The following AMZ1 variants were observed in gnomAD, a reference collection of about 807,000 sequenced individuals.
AMZ1 encodes archaelysin family metallopeptidase 1.
A neutral mutation model predicts 29.9 loss-of-function variants in AMZ1; 39 were observed. The observed-to-expected ratio is 1.30, with a 90% CI of 1.01 to 1.70. AMZ1 has a LOEUF of 1.70. Ranked by LOEUF, AMZ1 falls within the 40% of genes most tolerant of loss-of-function variation. AMZ1 has a pLI of 0.00. For synonymous variants in AMZ1, 458 were observed against 304.0 expected, an observed-to-expected ratio of 1.51 and a Z score of -5.27; for missense variants, 1,041 against 680.6, an observed-to-expected ratio of 1.53 and a Z score of -5.89.
rs1258851910 is a variant in AMZ1, at chr7:2,718,689, GAGCTCCACTGTCCCTTCTA to G, written c.*5813_*5831del. On this transcript the variant is annotated 3_prime_UTR_variant, in exon 7 of 7. Coordinates refer to ENST00000683327, the MANE Select transcript of AMZ1 (RefSeq NM_001384743.1). The stretch of plus-strand genomic sequence containing the variant: ...TTTCTTCCAACACTTTCTCACGTAG[GAGCTCCACTGTCCCTTCTA>G]ACAGGACAGGGCTTGTGCAGCCGGG... 6.6e-6 allele frequency among the ~76,000 whole-genome samples: 1 copy of G among 152,206 alleles called. No individual in the cohort carries two copies. Among genetic ancestry groups the G allele is most frequent in the African/African-American group, 2.4e-5 (1 of 41,462 alleles).
rs1425614211 is a variant in AMZ1, at chr7:2,713,087, A to T, written c.*209A>T. 4 of 471,662 alleles carry T rather than the reference A, an allele frequency of 8.5e-6. No individual in the cohort carries two copies. Among genetic ancestry groups the T allele is most frequent in the Non-Finnish European group, 1.4e-5 (4 of 283,548 alleles). The allele number at this position is 471,662 out of a possible 1,614,324, so 29.2% of individuals were successfully genotyped here. A position where few individuals can be genotyped will look rare whatever the true frequency, so the allele number is the denominator to read the frequency against. On this transcript the variant is annotated 3_prime_UTR_variant, in exon 7 of 7. Coordinates refer to ENST00000683327, the MANE Select transcript of AMZ1 (RefSeq NM_001384743.1). Reference sequence around the variant, plus strand: ...ACTCTGCCTCTACAAAAGAAAAATTAAAAAATTAGCTGGATGAAGTGGTTC... The same window carrying T: ...ACTCTGCCTCTACAAAAGAAAAATTTAAAAATTAGCTGGATGAAGTGGTTC...
At chr7:2,699,370 G>C (rs995753998) in intron 1 of AMZ1, among the ~76,000 whole-genome samples, 3 of 152,132 alleles carry the variant, frequency 2.0e-5, no homozygotes, top group African/African-American at 7.2e-5. Flanking sequence ...CTCCCTACCT[G>C]GTCCGTCCTG....
chr7:2,722,108 C>T (rs1770633004), downstream of AMZ1, among the ~76,000 whole-genome samples: 1 of 152,136 alleles, frequency 6.6e-6, no homozygotes, highest in Non-Finnish European at 1.5e-5. Flanking sequence ...GTCCCTTCGG[C>T]AGTGTGTCCT....
At chr7:2,695,925 G>A (rs1056955753) in intron 1 of AMZ1, among the ~76,000 whole-genome samples, 18 of 150,630 alleles carry the variant, frequency 1.2e-4, no homozygotes, top group African/African-American at 3.4e-4. Flanking sequence ...CAGGAGAATC[G>A]CTTGAACCCG....
intron 2 of AMZ1, 113 bp from the exon 3 acceptor site, chr7:2,702,609 G>A (rs1788114126): frequency 1.6e-6 from 2 of 1,232,376 alleles, no homozygotes; most frequent in Admixed American, 2.9e-5. Context: ...TGTCAGGGTA[G>A]GTCCACATTG....
chr7:2,714,265 T>C lies in AMZ1; in HGVS notation c.*1387T>C, dbSNP rs1270129176. 1 of 152,272 alleles carries C rather than the reference T, an allele frequency of 6.6e-6. No homozygotes were observed. Among genetic ancestry groups the C allele is most frequent in the African/African-American group, 2.4e-5 (1 of 41,400 alleles). The allele number at this position is 152,272 out of a possible 1,614,324, so 9.4% of individuals were successfully genotyped here. A position where few individuals can be genotyped will look rare whatever the true frequency, so the allele number is the denominator to read the frequency against. ...TGTGGGTGGGTGGCTCACACGGTTA[T>C]GGAGGGCTTCTAAGAAAAACAAAAT... On this transcript the variant is annotated 3_prime_UTR_variant, in exon 7 of 7. Transcript: ENST00000683327.
At position 2,709,646 on chromosome 7, in the gene AMZ1, T is replaced by TGCCACGA; in HGVS notation, c.781_787dup (p.Leu263ProfsTer95). On this transcript the variant is annotated frameshift_variant, in exon 6 of 7. Transcript: ENST00000683327. LOFTEE classifies it high-confidence loss of function. ...TTGGTGGCCTTCCCCCCAGGTCACG[T>TGCCACGA]GCCACGAGCTCTGCCACCTTCTGGG... 6.2e-7 allele frequency: 1 copy of TGCCACGA among 1,608,514 alleles called. No homozygotes were observed. Among genetic ancestry groups the TGCCACGA allele is most frequent in the African/African-American group, 1.3e-5 (1 of 74,914 alleles).
In AMZ1 at chr7:2,713,075, A is replaced by C. The variant is rs559596029; in HGVS notation, c.*197A>C. ...CAACATGGTGAGACTCTGCCTCTAC[A>C]AAAGAAAAATTAAAAAATTAGCTGG... On this transcript the variant is annotated 3_prime_UTR_variant, in exon 7 of 7. Coordinates refer to ENST00000683327, the MANE Select transcript of AMZ1 (RefSeq NM_001384743.1). 13 of 512,198 alleles carry C rather than the reference A, an allele frequency of 2.5e-5. No homozygotes were observed. The highest frequency in any genetic ancestry group is 1.6e-4 in the African/African-American group (8 of 50,406). 31.7% of individuals were successfully genotyped at this position (512,198 alleles called of 1,614,324 possible). A position where few individuals can be genotyped will look rare whatever the true frequency, so the allele number is the denominator to read the frequency against.
chr7:2,749,632 G>A (rs1024623299), intron 4 of AMZ1, among the ~76,000 whole-genome samples: 49 of 152,048 alleles, frequency 3.2e-4, no homozygotes, highest in African/African-American at 8.7e-4. Context: ...TGCACGTTGT[G>A]CACATGTACC....
intron 3 of AMZ1, among the ~76,000 whole-genome samples, chr7:2,705,085 T>C (rs1196593720): frequency 1.3e-5 from 2 of 152,368 alleles, no homozygotes; most frequent in East Asian, 3.9e-4. Flanking sequence ...TTATTTTTGA[T>C]TGTTAGTTAC....
chr7:2,753,188 T>C (rs1432371345), intron 4 of AMZ1, among the ~76,000 whole-genome samples: 1 of 152,046 alleles, frequency 6.6e-6, no homozygotes, highest in African/African-American at 2.4e-5. Flanking sequence ...AGGGTCTTAC[T>C]GTGTTGCCCA....
chr7:2,706,665 CGTCTCTTCTAAGACTCCA>C (rs1562369390), intron 3 of AMZ1, among the ~76,000 whole-genome samples: 1 of 152,236 alleles, frequency 6.6e-6, no homozygotes, highest in Non-Finnish European at 1.5e-5. Context: ...TGTGCCTCTG[CGTCTCTTCTAAGACTCCA>C]GTCACTGGGT....
At chr7:2,693,136 T>C (rs1301291983) in intron 1 of AMZ1, among the ~76,000 whole-genome samples, 5 of 152,230 alleles carry the variant, frequency 3.3e-5, no homozygotes, top group South Asian at 2.1e-4. Flanking sequence ...GTTTTTGCTG[T>C]TGTTGCCCAG....
intron 4 of AMZ1, among the ~76,000 whole-genome samples, chr7:2,726,704 C>T (rs1789632222): frequency 6.6e-6 from 1 of 152,248 alleles, no homozygotes; most frequent in Non-Finnish European, 1.5e-5. Context: ...ATCCCCACTC[C>T]TCTTTCCAGA....
At position 2,709,673 on chromosome 7, in the gene AMZ1, C is replaced by G. The variant is rs1444857691; in HGVS notation, c.805C>G (p.Leu269Val). 1 of 1,610,622 alleles carries G rather than the reference C, an allele frequency of 6.2e-7. No homozygotes were observed. Among genetic ancestry groups the G allele is most frequent in the East Asian group, 2.2e-5 (1 of 44,876 alleles). ...TCHELCHLLG[L>V]GNCRWLRCLM... is the part of the protein sequence containing the mutation. ...CCACGAGCTCTGCCACCTTCTGGGC[C>G]TGGGGAACTGCCGCTGGCTCCGCTG... The change falls in exon 6 of 7, where the codon CTG becomes GTG. Residue 269 changes from leucine to valine, a missense_variant. Coordinates refer to ENST00000683327, the MANE Select transcript of AMZ1 (RefSeq NM_001384743.1).
chr7:2,709,783 T>A lies in AMZ1; in HGVS notation c.915T>A (p.His305Gln). ...CCATCTGCCTGAGGAAGCTGCAGCATGTCCTGGGTTTCAGGCTCATCGAGA... is the reference window on the plus strand; with the variant it reads ...CCATCTGCCTGAGGAAGCTGCAGCAAGTCCTGGGTTTCAGGCTCATCGAGA... Reference protein sequence around the residue: ...LCPICLRKLQHVLGFRLIERY... With the variant: ...LCPICLRKLQQVLGFRLIERY... Residue 305 changes from histidine (H) to glutamine (Q), a missense_variant, in exon 6 of 7, where the codon CAT becomes CAA. Coordinates refer to ENST00000683327, the MANE Select transcript of AMZ1 (RefSeq NM_001384743.1). The A allele has an allele frequency of 6.2e-7, 1 of 1,612,078 alleles. No individual in the cohort carries two copies. The highest frequency in any genetic ancestry group is 8.5e-7 in the Non-Finnish European group (1 of 1,179,846).
chr7:2,731,069 G>T lies in AMZ1; in HGVS notation n.550+21253G>T. On this transcript the variant is annotated intron_variant and non_coding_transcript_variant, in intron 4 of 4. Transcript: ENST00000489665. The surrounding 1 kb of genome is among the most constrained non-coding windows in gnomAD (Gnocchi z 6.0). ...CAGCATTCCTGAGCCAGGTATTCCA[G>T]GGCACGGATCCGAGAAACCCACTCA... is the stretch of plus-strand genomic sequence containing the variant. 1.5e-6 allele frequency: 1 copy of T among 688,034 alleles called. No individual in the cohort carries two copies. The highest frequency in any genetic ancestry group is 2.4e-6 in the Non-Finnish European group (1 of 408,686). The allele number at this position is 688,034 out of a possible 1,614,324, so 42.6% of individuals were successfully genotyped here. A position where few individuals can be genotyped will look rare whatever the true frequency, so the allele number is the denominator to read the frequency against.
intron 4 of AMZ1, among the ~76,000 whole-genome samples, chr7:2,754,003 GA>G (rs1475836847): frequency 1.3e-5 from 2 of 152,160 alleles, no homozygotes; most frequent in African/African-American, 4.8e-5. Flanking sequence ...AGTGACCAGA[GA>G]ATCTACATCT....
chr7:2,735,920 C>T (rs1790149318), intron 4 of AMZ1, among the ~76,000 whole-genome samples: 1 of 152,106 alleles, frequency 6.6e-6, no homozygotes, highest in Admixed American at 6.5e-5. Flanking sequence ...CACAGAGCAA[C>T]CCTGTGTGAT....
Sources: allele counts gnomAD v4.1 joint callset (sites outside exome capture counted in the v4.1 genomes callset), GRCh38; gene constraint gnomAD v4.1.1; non-coding constraint Gnocchi (gnomAD v3.1); transcripts MANE v1.5; gene names NCBI Gene and HGNC (gene_info 2026-07-23, HGNC 2026-07-21).